Variants in CD247 observed in about 807,000 individuals in gnomAD.
The protein encoded by CD247 is CD247 molecule, also known as T-cell surface glycoprotein CD3 zeta chain.
A neutral mutation model predicts 30.0 loss-of-function variants in CD247; 13 were observed. That is an observed-to-expected ratio of 0.43 (90% confidence interval 0.28 to 0.69). CD247 has a LOEUF of 0.69. CD247 is among the 30% of genes least tolerant of loss of function. CD247 has a pLI of 0.16. For synonymous variants in CD247, 72 were observed against 80.0 expected, an observed-to-expected ratio of 0.90 and a Z score of 0.53; for missense variants, 193 against 212.6, an observed-to-expected ratio of 0.91 and a Z score of 0.57.
chr1:167,449,341 A>G (rs1175176860), intron 1 of CD247, among the ~76,000 whole-genome samples: 1 of 150,750 alleles, frequency 6.6e-6, no homozygotes, highest in Non-Finnish European at 1.5e-5. Flanking sequence ...TTTAGCAGAG[A>G]CGGGGTTTCA....
At chr1:167,470,607 C>T (rs1295269025) in intron 1 of CD247, among the ~76,000 whole-genome samples, 7 of 148,656 alleles carry the variant, frequency 4.7e-5, no homozygotes, top group Non-Finnish European at 8.9e-5. Flanking sequence ...TAATCTTTAA[C>T]ATTTTGCTAT....
At chr1:167,432,087 A>C (rs1008003060) in intron 7 of CD247, among the ~76,000 whole-genome samples, 3 of 138,534 alleles carry the variant, frequency 2.2e-5, no homozygotes, top group Non-Finnish European at 4.7e-5. Context: ...CCCACCTCCC[A>C]TATTGGGCAG....
intron 1 of CD247, among the ~76,000 whole-genome samples, chr1:167,517,292 C>T (rs1451509189): frequency 1.3e-5 from 2 of 152,252 alleles, no homozygotes; most frequent in African/African-American, 4.8e-5. Context: ...CATGGCCTCT[C>T]CTGCCCTCCC....
intron 1 of CD247, among the ~76,000 whole-genome samples, chr1:167,465,520 G>A (rs1653206095): frequency 6.6e-6 from 1 of 151,684 alleles, no homozygotes; most frequent in Non-Finnish European, 1.5e-5. Context: ...TAGTAGAGAC[G>A]GGGTTTCACC....
chr1:167,515,565 A>G (rs1350885831), intron 1 of CD247, among the ~76,000 whole-genome samples: 1 of 152,230 alleles, frequency 6.6e-6, no homozygotes, highest in East Asian at 1.9e-4. Context: ...CTTCGGGAGA[A>G]TATTCCCCTA....
At chr1:167,435,598 C>A (rs1199180337) in intron 4 of CD247, among the ~76,000 whole-genome samples, 164 bp from the exon 5 acceptor site, 1 of 152,220 alleles carries the variant, frequency 6.6e-6, no homozygotes, top group Non-Finnish European at 1.5e-5. Context: ...ACTGTTGGGG[C>A]CCTCATGGCA....
chr1:167,431,821 C>G (rs1340370670), intron 7 of CD247, 75 bp from the exon 8 acceptor site: 4 of 1,254,870 alleles, frequency 3.2e-6, no homozygotes, highest in Non-Finnish European at 4.7e-6. Context: ...CAGAGGCCAA[C>G]AGGTGTCTCT....
intron 1 of CD247, among the ~76,000 whole-genome samples, chr1:167,515,031 C>T (rs1553238323): frequency 6.6e-6 from 1 of 152,158 alleles, no homozygotes; most frequent in Non-Finnish European, 1.5e-5. Flanking sequence ...AGGACCGTTT[C>T]TGGGGGATGC....
At chr1:167,468,554 C>T (rs536075380) in intron 1 of CD247, among the ~76,000 whole-genome samples, 50 of 152,342 alleles carry the variant, frequency 3.3e-4, no homozygotes, top group African/African-American at 1.2e-3. Context: ...AAGTGAGCCT[C>T]CTGGTAGCCC....
chr1:167,488,819 G>A (rs1411983510), intron 1 of CD247, among the ~76,000 whole-genome samples: 2 of 152,274 alleles, frequency 1.3e-5, no homozygotes, highest in African/African-American at 4.8e-5. Flanking sequence ...ATGTGCGTGC[G>A]TGTTTTTATG....
At chr1:167,499,403 G>T (rs1654817336) in intron 1 of CD247, among the ~76,000 whole-genome samples, 1 of 152,168 alleles carries the variant, frequency 6.6e-6, no homozygotes, top group African/African-American at 2.4e-5. Flanking sequence ...AGAAAGAGCA[G>T]CTGTTTTATT....
intron 1 of CD247, among the ~76,000 whole-genome samples, chr1:167,482,214 G>C (rs1319288135): frequency 6.6e-6 from 1 of 152,148 alleles, no homozygotes; most frequent in Non-Finnish European, 1.5e-5. Flanking sequence ...GCCATCCCTG[G>C]GTGCTCTGGA....
intron 1 of CD247, 141 bp downstream of exon 1, chr1:167,518,267 G>A (rs1655702760): frequency 1.3e-6 from 1 of 793,648 alleles, no homozygotes; most frequent in Non-Finnish European, 2.2e-6. Flanking sequence ...ACCCCTCACT[G>A]CTCACTTGCC....
chr1:167,477,413 G>A (rs1009690317), intron 1 of CD247, among the ~76,000 whole-genome samples: 1 of 152,192 alleles, frequency 6.6e-6, no homozygotes, highest in Non-Finnish European at 1.5e-5. Context: ...ATGGAAGATG[G>A]TCCTGACTTG....
chr1:167,473,456 A>C (rs1571560053), intron 1 of CD247, among the ~76,000 whole-genome samples: 1 of 152,224 alleles, frequency 6.6e-6, no homozygotes, highest in African/African-American at 2.4e-5. Flanking sequence ...AGCCGCGCTC[A>C]CAGCCAGTGA....
chr1:167,487,048 T>A (rs1393848441), intron 1 of CD247, among the ~76,000 whole-genome samples: 1 of 143,880 alleles, frequency 7.0e-6, no homozygotes, highest in Non-Finnish European at 1.5e-5. Context: ...CACTCCAGCC[T>A]GGGTGACAGA....
chr1:167,434,948 TCC>T, intron 5 of CD247: 1 of 400,836 alleles, frequency 2.5e-6, no homozygotes, highest in Non-Finnish European at 4.8e-6. Flanking sequence ...TCCGGAGCCC[TCC>T]TCCAGCCCTT....
intron 1 of CD247, among the ~76,000 whole-genome samples, chr1:167,473,777 A>AG (rs910813478): frequency 6.6e-6 from 1 of 152,180 alleles, no homozygotes; most frequent in African/African-American, 2.4e-5. Flanking sequence ...CTCACTGTGA[A>AG]GGGGAACCCC....
intron 1 of CD247, among the ~76,000 whole-genome samples, chr1:167,502,777 A>G (rs1391428240): frequency 6.6e-6 from 1 of 152,164 alleles, no homozygotes; most frequent in African/African-American, 2.4e-5. Context: ...GCAGCATGAA[A>G]ATGAAGGCAG....
Sources: gnomAD v4.1 joint callset for allele counts (sites outside exome capture counted in the v4.1 genomes callset) on GRCh38, gnomAD v4.1.1 for gene constraint, MANE v1.5 for transcripts, NCBI Gene and HGNC (gene_info 2026-07-23, HGNC 2026-07-21) for gene names.